The following TMEM47 variants were observed in gnomAD, a reference collection of about 807,000 sequenced individuals.
The protein encoded by TMEM47 is brain cell membrane protein 1.
Under a neutral mutation model 12.4 loss-of-function variants are expected in TMEM47, and 3 were observed. The ratio of observed to expected loss-of-function variants is 0.24; its 90% CI spans 0.11 to 0.63. TMEM47 has a LOEUF of 0.63. TMEM47 is among the 20% of genes least tolerant of loss of function. The pLI is 0.86. For missense variants in TMEM47, 89 were observed against 143.8 expected, an observed-to-expected ratio of 0.62 and a Z score of 1.95; for synonymous variants, 62 against 63.3, an observed-to-expected ratio of 0.98 and a Z score of 0.10.
intron 1 of TMEM47, among the ~76,000 whole-genome samples, chrX:34,641,991 G>A (rs1329259017): frequency 8.9e-6 from 1 of 112,429 alleles, no homozygotes; most frequent in Non-Finnish European, 1.9e-5. Flanking sequence ...CGAGTAGCAG[G>A]GATTACAGGC....
chrX:34,640,371 T>C (rs190971165), intron 1 of TMEM47, among the ~76,000 whole-genome samples: 2 of 112,301 alleles, frequency 1.8e-5, no homozygotes, highest in East Asian at 5.6e-4. Flanking sequence ...TTGAAATGCA[T>C]TCATTTCTTA....
Position 34,627,258 on chromosome X carries a change from T to C in TMEM47, c.*3055A>G, listed in dbSNP as rs1316924894. 1 of 111,986 alleles carries C rather than the reference T, an allele frequency of 8.9e-6. No individual in the cohort carries two copies. Among genetic ancestry groups the C allele is most frequent in the Non-Finnish European group, 1.9e-5 (1 of 53,114 alleles). The allele number at this position is 111,986 out of a possible 1,213,427, so 9.2% of individuals were successfully genotyped here. Reference sequence around the variant, plus strand: ...ATACCATGAATTCATGTTTAAGTAGTAAACATGTCATATATTTAAAAATAA... The same window carrying C: ...ATACCATGAATTCATGTTTAAGTAGCAAACATGTCATATATTTAAAAATAA... On this transcript the variant is annotated 3_prime_UTR_variant, in exon 3 of 3. Coordinates refer to ENST00000275954, the MANE Select transcript of TMEM47 (RefSeq NM_031442.4).
At chrX:34,648,792 T>C (rs72626898) in intron 1 of TMEM47, among the ~76,000 whole-genome samples, 2,845 of 112,167 alleles carry the variant, frequency 0.025, 71 homozygotes, top group African/African-American at 0.082. Context: ...TTGCAAGCTA[T>C]TCATCTGACA....
chrX:34,646,080 G>T (rs1174483007), intron 1 of TMEM47, among the ~76,000 whole-genome samples: 1 of 111,240 alleles, frequency 9.0e-6, no homozygotes, highest in Non-Finnish European at 1.9e-5. Context: ...CGACCAAAAT[G>T]CGTGTTAATT....
intron 1 of TMEM47, among the ~76,000 whole-genome samples, chrX:34,640,100 T>A (rs1036019868): frequency 1.8e-5 from 2 of 111,989 alleles, no homozygotes; most frequent in Non-Finnish European, 3.8e-5. Flanking sequence ...CAACTCCCCA[T>A]CAAATTAGCA....
rs1922129360 is a variant in TMEM47, at chrX:34,657,175, C to T, written c.-146G>A. ...CCTCGGGGCTCTGCGCGCCCCCTGC[C>T]GCGCGGCCAAGGTGGGTCTGCGGAG... On this transcript the variant is annotated 5_prime_UTR_variant, in exon 1 of 3. Coordinates refer to ENST00000275954, the MANE Select transcript of TMEM47 (RefSeq NM_031442.4). 3.2e-6 allele frequency: 3 copies of T among 940,476 alleles called. No homozygotes were observed. Among genetic ancestry groups the T allele is most frequent in the Admixed American group, 1.1e-4 (2 of 17,445 alleles). 77.5% of individuals were successfully genotyped at this position (940,476 alleles called of 1,213,427 possible).
Position 34,628,717 on chromosome X carries a change from T to A in TMEM47, c.*1596A>T, listed in dbSNP as rs1048689671. 2 of 111,646 alleles carry A rather than the reference T, an allele frequency of 1.8e-5. No individual in the cohort carries two copies. Among genetic ancestry groups the A allele is most frequent in the African/African-American group, 6.5e-5 (2 of 30,736 alleles). 9.2% of individuals were successfully genotyped at this position (111,646 alleles called of 1,213,427 possible). A position where few individuals can be genotyped will look rare whatever the true frequency, so the allele number is the denominator to read the frequency against. ...GCTACTTTTAAAGTAATTTTTCTAATGCTTCTTTCTGCAAGAGGGCCAAAA... is the reference window on the plus strand; with the variant it reads ...GCTACTTTTAAAGTAATTTTTCTAAAGCTTCTTTCTGCAAGAGGGCCAAAA... On this transcript the variant is annotated 3_prime_UTR_variant, in exon 3 of 3. Transcript: ENST00000275954.
At chrX:34,650,603 A>T (rs1601969035) in intron 1 of TMEM47, among the ~76,000 whole-genome samples, 1 of 112,376 alleles carries the variant, frequency 8.9e-6, no homozygotes, top group Non-Finnish European at 1.9e-5. Flanking sequence ...CTCTAGCACT[A>T]TAAAACTTGG....
chrX:34,627,471 C>T lies in TMEM47; in HGVS notation c.*2842G>A, dbSNP rs1921528377. ...TTACATTGCTAGCCATACAATTAGA[C>T]GTCACTTACCAGTCAGTTCATTGCA... On this transcript the variant is annotated 3_prime_UTR_variant, in exon 3 of 3. Coordinates refer to ENST00000275954, the MANE Select transcript of TMEM47 (RefSeq NM_031442.4). 1 of 111,666 alleles carries T rather than the reference C, an allele frequency of 9.0e-6. No individual in the cohort carries two copies. 9.2% of individuals were successfully genotyped at this position (111,666 alleles called of 1,213,427 possible). A position where few individuals can be genotyped will look rare whatever the true frequency, so the allele number is the denominator to read the frequency against.
chrX:34,634,180 C>T (rs962907190), intron 2 of TMEM47, among the ~76,000 whole-genome samples: 1 of 111,422 alleles, frequency 9.0e-6, no homozygotes, highest in African/African-American at 3.3e-5. Flanking sequence ...TCTCTATGCT[C>T]TTCCTCAAAG....
At chrX:34,639,213 T>G in intron 2 of TMEM47, 34 bp downstream of exon 2, 3 of 1,163,804 alleles carry the variant, frequency 2.6e-6, no homozygotes, top group Non-Finnish European at 3.4e-6. Context: ...TCATGAAACT[T>G]TAATACTCAT....
rs564577405 is a variant in TMEM47 at position 34,639,739 on chromosome X, G to A, written c.227-352C>T. Among the ~76,000 whole-genome samples the A allele has an allele frequency of 5.8e-4, 65 of 111,305 alleles. No individual in the cohort carries two copies. The South Asian group carries it at 0.024, about 41-fold the overall frequency. ...ATAAAGTTCACAAATCTTAAGTATA[G>A]AAAGTAGAGAAGTTGATGAATTCTT... On this transcript the variant is annotated intron_variant, in intron 1 of 2. Coordinates refer to ENST00000275954, the MANE Select transcript of TMEM47 (RefSeq NM_031442.4).
At chrX:34,655,166 G>A (rs892476129) in intron 1 of TMEM47, among the ~76,000 whole-genome samples, 26 of 111,888 alleles carry the variant, frequency 2.3e-4, no homozygotes, top group African/African-American at 8.5e-4. Flanking sequence ...GTTGAAACTG[G>A]TTTCTCTAAC....
At chrX:34,639,853 C>T (rs751671708) in intron 1 of TMEM47, among the ~76,000 whole-genome samples, 1 of 111,398 alleles carries the variant, frequency 9.0e-6, no homozygotes, top group South Asian at 3.8e-4. Flanking sequence ...TCAATAATGA[C>T]CCTCCCACCT....
chrX:34,640,112 C>G, intron 1 of TMEM47, among the ~76,000 whole-genome samples: 1 of 112,019 alleles, frequency 8.9e-6, no homozygotes, highest in East Asian at 2.8e-4. Flanking sequence ...AAATTAGCAT[C>G]AGGAATATTG....
At position 34,639,340 on chromosome X, in the gene TMEM47, T is replaced by C; in HGVS notation, c.274A>G (p.Ile92Val). 1 of 1,208,556 alleles carries C rather than the reference T, an allele frequency of 8.3e-7. No homozygotes were observed. The highest frequency in any genetic ancestry group is 1.7e-5 in the African/African-American group (1 of 57,564). Residue 92 changes from isoleucine to valine, a missense_variant, in exon 2 of 3, where the codon ATT becomes GTT. Ile to Val is a conservative substitution (Grantham distance 29). Transcript: ENST00000275954. ...LALLLGGAAI[I>V]LIAFLVGLIS... ...AAACCCACCAGGAATGCAATGAGAA[T>C]GATGGCAGCGCCGCCCAGGAGTAAA...
chrX:34,642,718 A>C (rs1921840710), intron 1 of TMEM47, among the ~76,000 whole-genome samples: 1 of 112,061 alleles, frequency 8.9e-6, no homozygotes, highest in Non-Finnish European at 1.9e-5. Flanking sequence ...ACAACCAGAG[A>C]TATGACTGCT....
At chrX:34,644,623 G>C (rs776008754) in intron 1 of TMEM47, among the ~76,000 whole-genome samples, 1 of 112,076 alleles carries the variant, frequency 8.9e-6, no homozygotes, top group East Asian at 2.8e-4. Context: ...GTTATATGCT[G>C]AGATTCTTTC....
chrX:34,631,077 T>A (rs1226091799), intron 2 of TMEM47, among the ~76,000 whole-genome samples: 3 of 97,710 alleles, frequency 3.1e-5, no homozygotes, highest in African/African-American at 1.2e-4. Flanking sequence ...AGGCTAAGGC[T>A]GGAAAATCGC....
Sources: gnomAD v4.1 joint callset for allele counts (sites outside exome capture counted in the v4.1 genomes callset) on GRCh38, gnomAD v4.1.1 for gene constraint, MANE v1.5 for transcripts, NCBI Gene and HGNC (gene_info 2026-07-23, HGNC 2026-07-21) for gene names.